IRGM: variants seen among roughly 807,000 people sequenced by gnomAD.
The protein encoded by IRGM is immunity-related GTPase family M protein.
For missense variants in IRGM, 288 were observed against 219.9 expected, an observed-to-expected ratio of 1.31 and a Z score of -1.96; for synonymous variants, 98 against 80.6, an observed-to-expected ratio of 1.22 and a Z score of -1.16.
At chr5:150,865,567 C>T (rs1896707) in intron 1 of IRGM, among the ~76,000 whole-genome samples, 31,171 of 151,896 alleles carry the variant, frequency 0.21, 5,095 homozygotes, top group African/African-American at 0.44. Context: ...ATGTTATTGC[C>T]CTACTTACAC....
intron 3 of IRGM, among the ~76,000 whole-genome samples, chr5:150,892,762 A>AT (rs35401323): frequency 2.6e-5 from 4 of 151,782 alleles, no homozygotes; most frequent in Middle Eastern, 6.9e-3. Flanking sequence ...TCTACAATAC[A>AT]TTTTTTTGAG....
At chr5:150,873,489 AG>A (rs1754316897) in intron 1 of IRGM, among the ~76,000 whole-genome samples, 1 of 152,232 alleles carries the variant, frequency 6.6e-6, no homozygotes, top group Admixed American at 6.5e-5. Flanking sequence ...CACTGGGGAA[AG>A]GGAAATGATC....
chr5:150,849,308 G>A (rs1753937742), downstream of IRGM, among the ~76,000 whole-genome samples: 1 of 152,136 alleles, frequency 6.6e-6, no homozygotes. Flanking sequence ...TGTAAGTAAT[G>A]CCTAATATCT....
At chr5:150,896,685 T>C in intron 3 of IRGM, 25 of 1,613,602 alleles carry the variant, frequency 1.5e-5, no homozygotes, top group Non-Finnish European at 2.0e-5. Flanking sequence ...ATCATATTTA[T>C]GGAATCTCTG....
downstream of IRGM, among the ~76,000 whole-genome samples, chr5:150,849,709 C>T (rs1229400149): frequency 6.7e-6 from 1 of 150,132 alleles, no homozygotes; most frequent in East Asian, 2.0e-4. Context: ...TGGGTTCAAG[C>T]GATTCTCTTG....
intron 3 of IRGM, among the ~76,000 whole-genome samples, chr5:150,900,431 ACT>A (rs1754953933): frequency 6.6e-6 from 1 of 151,976 alleles, no homozygotes; most frequent in Non-Finnish European, 1.5e-5. Flanking sequence ...CCTATTACCT[ACT>A]TCCTTAGAAA....
intron 3 of IRGM, chr5:150,896,175 C>T: frequency 6.2e-7 from 1 of 1,613,508 alleles, no homozygotes; most frequent in Non-Finnish European, 8.5e-7. Flanking sequence ...GCATTCACTA[C>T]ATTCATAGGG....
intron 1 of IRGM, among the ~76,000 whole-genome samples, chr5:150,872,557 T>C (rs146782058): frequency 5.4e-4 from 83 of 152,324 alleles, no homozygotes; most frequent in African/African-American, 1.9e-3. Flanking sequence ...AGCAGAAATC[T>C]GGAGAACAGG....
At chr5:150,884,978 T>G (rs1367231499) in intron 3 of IRGM, among the ~76,000 whole-genome samples, 2 of 152,052 alleles carry the variant, frequency 1.3e-5, no homozygotes, top group African/African-American at 4.8e-5. Flanking sequence ...TTTTTGTCAT[T>G]AAATCTTTGC....
At chr5:150,852,371 C>A (rs1056512073), downstream of IRGM, among the ~76,000 whole-genome samples, 1 of 152,156 alleles carries the variant, frequency 6.6e-6, no homozygotes, top group Non-Finnish European at 1.5e-5. Flanking sequence ...TTAGAGCAAT[C>A]ATTTGTTCTG....
chr5:150,899,569 T>A (rs1754921862), intron 3 of IRGM, among the ~76,000 whole-genome samples: 1 of 151,936 alleles, frequency 6.6e-6, no homozygotes, highest in South Asian at 2.1e-4. Flanking sequence ...AGTAATAGAA[T>A]GAATATACCA....
At chr5:150,895,886 TTC>T in intron 3 of IRGM, 1 of 1,613,236 alleles carries the variant, frequency 6.2e-7, no homozygotes, top group Non-Finnish European at 8.5e-7. Context: ...GTGTAATGAG[TTC>T]TGTCTTCCTG....
intron 3 of IRGM, among the ~76,000 whole-genome samples, chr5:150,881,498 A>T (rs920091140): frequency 6.6e-6 from 1 of 152,214 alleles, no homozygotes; most frequent in Non-Finnish European, 1.5e-5. Flanking sequence ...TTCAAGCTAA[A>T]GGAAAAGGAC....
intron 3 of IRGM, chr5:150,898,515 G>A: frequency 6.2e-7 from 1 of 1,612,840 alleles, no homozygotes; most frequent in Non-Finnish European, 8.5e-7. Context: ...CACTCCTCCT[G>A]GGTGAAATCC....
intron 3 of IRGM, chr5:150,898,557 G>A (rs770899600): frequency 2.5e-6 from 4 of 1,591,194 alleles, no homozygotes; most frequent in Non-Finnish European, 3.4e-6. Context: ...ACTAACCCCT[G>A]TAATAGTAAA....
At chr5:150,859,474 A>C (rs1328649844) in intron 1 of IRGM, among the ~76,000 whole-genome samples, 2 of 151,992 alleles carry the variant, frequency 1.3e-5, no homozygotes, top group Admixed American at 1.3e-4. Flanking sequence ...CTCTTTTTCT[A>C]TTGGTTGGAA....
chr5:150,856,084 A>T (rs1754044814), intron 1 of IRGM, among the ~76,000 whole-genome samples: 1 of 152,024 alleles, frequency 6.6e-6, no homozygotes, highest in African/African-American at 2.4e-5. Flanking sequence ...TAGTATTTTA[A>T]AAGTATGTAT....
In IRGM at chr5:150,865,090, T is replaced by C. The variant is rs560418006; in HGVS notation, c.159-12890T>C. 2.0e-5 allele frequency among the ~76,000 whole-genome samples: 3 copies of C among 152,308 alleles called. No individual in the cohort carries two copies. The South Asian group carries it at 6.2e-4, about 32-fold the overall frequency. On this transcript the variant is annotated intron_variant and NMD_transcript_variant, in intron 1 of 3. Coordinates refer to the IRGM transcript ENST00000520549. ...ACCACATACCCATGTAGAGTAACAT[T>C]AGAACATAAATTAGAAAGGGAATAA...
At chr5:150,890,835 GA>G (rs1011284143) in intron 3 of IRGM, among the ~76,000 whole-genome samples, 49 of 152,132 alleles carry the variant, frequency 3.2e-4, no homozygotes, top group African/African-American at 1.1e-3. Flanking sequence ...ACATGAGAAT[GA>G]GTCACCTTAC....
Sources: gnomAD v4.1 joint callset for allele counts (sites outside exome capture counted in the v4.1 genomes callset) on GRCh38, gnomAD v4.1.1 for gene constraint, MANE v1.5 for transcripts, NCBI Gene and HGNC (gene_info 2026-07-23, HGNC 2026-07-21) for gene names.